The following IP6K3 variants were observed in gnomAD, a reference collection of about 807,000 sequenced individuals.
The protein encoded by IP6K3 is inositol hexakisphosphate kinase 3.
In IP6K3, 20 loss-of-function variants were observed where a neutral mutation model predicts 28.8. That is an observed-to-expected ratio of 0.70 (90% CI 0.49 to 1.01). The LOEUF (loss-of-function observed/expected upper bound fraction) is 1.01, where lower values mean the gene tolerates loss of function less well. Among genes scored for constraint, IP6K3 ranks in the 50% least tolerant of loss-of-function variants. IP6K3 has a pLI of 0.00. For synonymous variants in IP6K3, 213 were observed against 221.3 expected (o/e 0.96, Z 0.33); for missense variants, 480 against 537.1 (o/e 0.89, Z 1.05).
chr6:33,727,498 AT>A (rs764018273), intron 3 of IP6K3, among the ~76,000 whole-genome samples: 15 of 152,324 alleles, frequency 9.8e-5, no homozygotes, highest in Admixed American at 5.9e-4. Flanking sequence ...AGATATTTTC[AT>A]TGTATTAGCT....
upstream of IP6K3, among the ~76,000 whole-genome samples, chr6:33,751,004 C>T (rs1358635061): frequency 1.3e-5 from 2 of 152,166 alleles, no homozygotes; most frequent in African/African-American, 4.8e-5. The surrounding 1 kb of genome is among the most constrained non-coding windows in gnomAD (Gnocchi z 4.3). Flanking sequence ...ATGCTGGGCT[C>T]CCCTCTCGCT....
chr6:33,734,288 C>T (rs1357373046), intron 2 of IP6K3, among the ~76,000 whole-genome samples: 4 of 151,586 alleles, frequency 2.6e-5, no homozygotes, highest in East Asian at 1.9e-4. Context: ...TGGCATGGGG[C>T]GTGGGGACCT....
the IP6K3 span, among the ~76,000 whole-genome samples, chr6:33,758,044 T>G: frequency 2.6e-5 from 4 of 150,972 alleles, no homozygotes; most frequent in Non-Finnish European, 5.9e-5. Context: ...TTCTGGAGAG[T>G]GGTGGAGGCG....
chr6:33,736,154 T>C (rs1489458026), intron 1 of IP6K3, among the ~76,000 whole-genome samples: 3 of 152,010 alleles, frequency 2.0e-5, no homozygotes, highest in Non-Finnish European at 4.4e-5. Flanking sequence ...CGTGAGCCAC[T>C]GTGCCCAGCC....
chr6:33,757,910 G>A, the IP6K3 span, among the ~76,000 whole-genome samples: 13 of 152,186 alleles, frequency 8.5e-5, no homozygotes, highest in African/African-American at 3.1e-4. Context: ...TCTCAAACTG[G>A]AAGCCTCACA....
chr6:33,734,305 C>T (rs1766431257), intron 2 of IP6K3, among the ~76,000 whole-genome samples: 1 of 151,966 alleles, frequency 6.6e-6, no homozygotes, highest in African/African-American at 2.4e-5. Context: ...ACCTGTGCGC[C>T]TTTGTGCACA....
chr6:33,755,433 G>C, the IP6K3 span, among the ~76,000 whole-genome samples: 1 of 152,246 alleles, frequency 6.6e-6, no homozygotes, highest in African/African-American at 2.4e-5. Flanking sequence ...TGGAGAGTGT[G>C]GGGGCAGGGT....
the IP6K3 span, among the ~76,000 whole-genome samples, chr6:33,758,037 T>G: frequency 9.9e-5 from 15 of 152,148 alleles, no homozygotes; most frequent in African/African-American, 3.1e-4. Context: ...AGTCCAATTC[T>G]GGAGAGTGGT....
intron 1 of IP6K3, among the ~76,000 whole-genome samples, chr6:33,738,799 A>G (rs1177058041): frequency 6.6e-6 from 1 of 152,188 alleles, no homozygotes; most frequent in Non-Finnish European, 1.5e-5. Flanking sequence ...AGTCACCTGT[A>G]AGTCACTGGC....
chr6:33,761,771 T>C, the IP6K3 span, among the ~76,000 whole-genome samples: 10 of 151,828 alleles, frequency 6.6e-5, no homozygotes, highest in African/African-American at 2.4e-4. Context: ...AGCCTGGGTG[T>C]CTCTGTCTGG....
upstream of IP6K3, among the ~76,000 whole-genome samples, chr6:33,749,396 T>C (rs1352454003): frequency 6.6e-6 from 1 of 152,082 alleles, no homozygotes; most frequent in Non-Finnish European, 1.5e-5. Flanking sequence ...CCTTATGCAA[T>C]CAAATAGGGC....
rs1018355311 is a variant in IP6K3 at position 33,730,135 on chromosome 6, T to C, written c.200-1835A>G. ...TTATGTCCTTCAAGCTGTTTATTTC[T>C]CCCCCCAGCCACGTGGTCACCTTCT... On this transcript the variant is annotated intron_variant, in intron 2 of 5. Transcript: ENST00000293756. Among the ~76,000 whole-genome samples, 297 of 152,236 alleles carry C rather than the reference T, an allele frequency of 2.0e-3. 1 individual carries two copies. The highest frequency in any genetic ancestry group is 6.9e-3 in the African/African-American group (288 of 41,538).
Position 33,744,375 on chromosome 6 carries a change from G to A in IP6K3, c.-180+2383C>T, listed in dbSNP as rs959332271. On this transcript the variant is annotated intron_variant, in intron 1 of 5. Coordinates refer to ENST00000293756, the MANE Select transcript of IP6K3 (RefSeq NM_054111.5). This position sits in a 1 kb window ranked among gnomAD's most constrained non-coding sequence, Gnocchi z 4.4. ...TGCAAGAGACCTATGAGCCACAGAC[G>A]TAAGGTGTTGCCAGCGGTTAGCATG... Among the ~76,000 whole-genome samples the A allele has an allele frequency of 2.0e-5, 3 of 152,208 alleles. No individual in the cohort carries two copies. The highest frequency in any genetic ancestry group is 6.5e-5 in the Admixed American group (1 of 15,288).
chr6:33,752,834 G>A, the IP6K3 span, among the ~76,000 whole-genome samples: 1 of 152,224 alleles, frequency 6.6e-6, no homozygotes, highest in African/African-American at 2.4e-5. Flanking sequence ...GTAAAATGGG[G>A]ATAATTTTCT....
Position 33,722,600 on chromosome 6 carries a change from T to G in IP6K3, c.*120A>C. Reference sequence around the variant, plus strand: ...ATAGTCTGCCATATATAGAGATGGTTTTTGAAGGTAGATAGGACTATTATG... The same window carrying G: ...ATAGTCTGCCATATATAGAGATGGTGTTTGAAGGTAGATAGGACTATTATG... On this transcript the variant is annotated 3_prime_UTR_variant, in exon 6 of 6. Transcript: ENST00000293756. 1.5e-6 allele frequency: 1 copy of G among 677,376 alleles called. No homozygotes were observed. The highest frequency in any genetic ancestry group is 2.6e-6 in the Non-Finnish European group (1 of 386,214). The allele number at this position is 677,376 out of a possible 1,614,324, so 42.0% of individuals were successfully genotyped here. A position where few individuals can be genotyped will look rare whatever the true frequency, so the allele number is the denominator to read the frequency against.
intron 5 of IP6K3, 91 bp downstream of exon 5, chr6:33,725,350 G>C (rs565872893): frequency 4.5e-6 from 6 of 1,330,792 alleles, no homozygotes; most frequent in East Asian, 2.5e-5. Flanking sequence ...GGGCTCTGCA[G>C]GGGGGCAGTG....
intron 1 of IP6K3, among the ~76,000 whole-genome samples, chr6:33,736,285 G>A (rs1231812878): frequency 2.6e-5 from 4 of 152,166 alleles, no homozygotes; most frequent in Non-Finnish European, 1.5e-5. Flanking sequence ...CTGACATGTT[G>A]CCTGCCTTCA....
At chr6:33,723,835 T>G (rs1766001035) in intron 5 of IP6K3, among the ~76,000 whole-genome samples, 1 of 152,222 alleles carries the variant, frequency 6.6e-6, no homozygotes, top group Non-Finnish European at 1.5e-5. Context: ...GCTCCTCTCC[T>G]TGGCACCATC....
intron 1 of IP6K3, among the ~76,000 whole-genome samples, chr6:33,737,862 T>C (rs1260000665): frequency 6.6e-6 from 1 of 152,230 alleles, no homozygotes; most frequent in African/African-American, 2.4e-5. Flanking sequence ...GATCCAGCTC[T>C]GCTCCAGTGT....
Sources: gnomAD v4.1 joint callset for allele counts (sites outside exome capture counted in the v4.1 genomes callset) on GRCh38, gnomAD v4.1.1 for gene constraint, Gnocchi (gnomAD v3.1) non-coding constraint, MANE v1.5 for transcripts, NCBI Gene and HGNC (gene_info 2026-07-23, HGNC 2026-07-21) for gene names.